BMP5: variants seen among roughly 807,000 people sequenced by gnomAD.
The protein encoded by BMP5 is bone morphogenetic protein 5.
Under a neutral mutation model 46.6 loss-of-function variants are expected in BMP5, and 23 were observed. That is an observed-to-expected ratio of 0.49 (90% CI 0.35 to 0.70). The LOEUF is 0.70. BMP5 is among the 30% of genes least tolerant of loss of function. BMP5 has a pLI of 0.00. For missense variants in BMP5, 545 were observed against 565.6 expected (o/e 0.96, Z 0.37); for synonymous variants, 204 against 191.9 (o/e 1.06, Z -0.52).
chr6:55,825,352 T>C (rs1218546414), intron 1 of BMP5, among the ~76,000 whole-genome samples: 1 of 151,874 alleles, frequency 6.6e-6, no homozygotes, highest in Non-Finnish European at 1.5e-5. Context: ...AAATAATTTA[T>C]TATTATATTT....
chr6:55,860,052 A>T (rs1440559503), intron 1 of BMP5, among the ~76,000 whole-genome samples: 2 of 152,222 alleles, frequency 1.3e-5, no homozygotes, highest in East Asian at 3.8e-4. Flanking sequence ...AAGACAGGCA[A>T]ATCTCACAAG....
chr6:55,843,613 T>C lies in BMP5; in HGVS notation c.491-23766A>G, dbSNP rs551876609. ...TTTAGGAATAGAAAAAAAGCAACTATAGATCTATTATTATTCCAATTTTAT... is the reference window on the plus strand; with the variant it reads ...TTTAGGAATAGAAAAAAAGCAACTACAGATCTATTATTATTCCAATTTTAT... On this transcript the variant is annotated intron_variant, in intron 1 of 6. Coordinates refer to ENST00000370830, the MANE Select transcript of BMP5 (RefSeq NM_021073.4). 3.9e-5 allele frequency among the ~76,000 whole-genome samples: 6 copies of C among 152,230 alleles called. 1 individual carries two copies. The South Asian group carries it at 1.2e-3, about 32-fold the overall frequency.
intron 1 of BMP5, among the ~76,000 whole-genome samples, chr6:55,844,850 C>A (rs1383702355): frequency 1.3e-5 from 2 of 151,732 alleles, no homozygotes; most frequent in East Asian, 3.9e-4. Flanking sequence ...TTAGAACCAA[C>A]CAAAATGTTT....
At chr6:55,804,522 C>T (rs1775940347) in intron 2 of BMP5, among the ~76,000 whole-genome samples, 1 of 152,106 alleles carries the variant, frequency 6.6e-6, no homozygotes, top group Non-Finnish European at 1.5e-5. Context: ...TCTGTTATGG[C>T]AATTCTAGGA....
chr6:55,793,207 G>C (rs898401942), intron 3 of BMP5, among the ~76,000 whole-genome samples: 1 of 152,100 alleles, frequency 6.6e-6, no homozygotes, highest in African/African-American at 2.4e-5. Context: ...TGAGCCTTCT[G>C]AGCAAATATG....
chr6:55,781,627 A>C lies in BMP5; in HGVS notation c.833-7384T>G, dbSNP rs1331563585. On this transcript the variant is annotated intron_variant, in intron 3 of 6. Transcript: ENST00000370830. The stretch of plus-strand genomic sequence containing the variant: ...TCCAAATTTTTTTTTTTTTTTTTTG[A>C]GATGGAGTCTCGTTCTGTCGCCCAG... 6.0e-5 allele frequency among the ~76,000 whole-genome samples: 8 copies of C among 133,932 alleles called. 1 individual carries two copies. The South Asian group carries it at 1.8e-3, about 31-fold the overall frequency. 87.9% of individuals were successfully genotyped at this position (133,932 alleles called of 152,430 possible).
At chr6:55,773,014 C>T in intron 4 of BMP5, 2 of 711,256 alleles carry the variant, frequency 2.8e-6, no homozygotes, top group Non-Finnish European at 3.4e-6. Context: ...CTGTCATTTT[C>T]AAGTAACCTG....
rs1204104040 is a variant in BMP5 at position 55,753,981 on chromosome 6, C to T, written c.*1552G>A. ...ATTAAAAATATATTACTTAATGTAC[C>T]CCTTAATATAGTTACTGTCAAATTT... On this transcript the variant is annotated 3_prime_UTR_variant, in exon 7 of 7. Coordinates refer to ENST00000370830, the MANE Select transcript of BMP5 (RefSeq NM_021073.4). 1.3e-5 allele frequency: 2 copies of T among 151,570 alleles called. No homozygotes were observed. Among genetic ancestry groups the T allele is most frequent in the Non-Finnish European group, 2.9e-5 (2 of 67,838 alleles). The allele number at this position is 151,570 out of a possible 1,614,324, so 9.4% of individuals were successfully genotyped here. A position where few individuals can be genotyped will look rare whatever the true frequency, so the allele number is the denominator to read the frequency against.
At chr6:55,758,076 C>A (rs897228488) in intron 6 of BMP5, among the ~76,000 whole-genome samples, 4 of 151,940 alleles carry the variant, frequency 2.6e-5, no homozygotes, top group African/African-American at 9.6e-5. Context: ...TAAACCTCAC[C>A]CACAAAGACA....
At position 55,754,403 on chromosome 6, in the gene BMP5, T is replaced by G. The variant is rs533777780; in HGVS notation, c.*1130A>C. On this transcript the variant is annotated 3_prime_UTR_variant, in exon 7 of 7. Coordinates refer to ENST00000370830, the MANE Select transcript of BMP5 (RefSeq NM_021073.4). The stretch of plus-strand genomic sequence containing the variant: ...TTGGAAGAAGGTTTACAAAATGCCT[T>G]TACAAAATAAGGTTTTCATTGAGCT... 1 of 151,958 alleles carries G rather than the reference T, an allele frequency of 6.6e-6. No homozygotes were observed. Among genetic ancestry groups the G allele is most frequent in the South Asian group, 2.1e-4 (1 of 4,822 alleles). 9.4% of individuals were successfully genotyped at this position (151,958 alleles called of 1,614,324 possible).
chr6:55,757,723 AAAG>A (rs528848003), intron 6 of BMP5, among the ~76,000 whole-genome samples: 165 of 152,094 alleles, frequency 1.1e-3, no homozygotes, highest in African/African-American at 3.9e-3. Context: ...GAATCAATAA[AAAG>A]AAGAATACTT....
chr6:55,848,152 A>G (rs1468141333), intron 1 of BMP5, among the ~76,000 whole-genome samples: 1 of 151,984 alleles, frequency 6.6e-6, no homozygotes, highest in Non-Finnish European at 1.5e-5. Flanking sequence ...GTATATTTCT[A>G]TAACACTGCC....
chr6:55,834,342 A>G (rs776078402), intron 1 of BMP5, among the ~76,000 whole-genome samples: 4 of 152,154 alleles, frequency 2.6e-5, no homozygotes, highest in Non-Finnish European at 4.4e-5. Context: ...TTCTGAGAAA[A>G]GAATTCAATA....
intron 2 of BMP5, among the ~76,000 whole-genome samples, chr6:55,814,716 G>T (rs534777618): frequency 6.6e-6 from 1 of 152,086 alleles, no homozygotes; most frequent in Non-Finnish European, 1.5e-5. Context: ...GTAATAACAC[G>T]GCACAGAATT....
In BMP5 at chr6:55,757,541, T is replaced by A. The variant is rs1774639498; in HGVS notation, c.1215+1464A>T. On this transcript the variant is annotated intron_variant, in intron 6 of 6. Transcript: ENST00000370830. ...GTGGTAGAAGTTTGAATGCAAAACA[T>A]CCATCCTTGCAAAGCCTACCTACAC... Among the ~76,000 whole-genome samples the A allele has an allele frequency of 2.0e-5, 3 of 151,914 alleles. No homozygotes were observed. In the South Asian group the frequency reaches 6.2e-4, roughly 31 times the overall value.
intron 4 of BMP5, among the ~76,000 whole-genome samples, chr6:55,766,432 C>A (rs950075945): frequency 6.6e-6 from 1 of 152,052 alleles, no homozygotes; most frequent in Admixed American, 6.6e-5. Context: ...ACACATTCCA[C>A]TTACTCTCAA....
chr6:55,813,901 G>A (rs543407923), intron 2 of BMP5, among the ~76,000 whole-genome samples: 123 of 152,022 alleles, frequency 8.1e-4, no homozygotes, highest in African/African-American at 2.8e-3. Flanking sequence ...CAATAATACA[G>A]CGATAAACAC....
At chr6:55,823,629 T>TGTTTTGTTTTG (rs1776461698) in intron 1 of BMP5, among the ~76,000 whole-genome samples, 1 of 152,012 alleles carries the variant, frequency 6.6e-6, no homozygotes, top group South Asian at 2.1e-4. Flanking sequence ...GGAGTGTGTT[T>TGTTTTGTTTTG]TTCTGAATAT....
intron 3 of BMP5, among the ~76,000 whole-genome samples, chr6:55,775,041 A>G (rs1775140828): frequency 6.6e-6 from 1 of 151,934 alleles, no homozygotes; most frequent in Non-Finnish European, 1.5e-5. Context: ...AATCCAAGTG[A>G]GCTTCAAGAC....
Sources: gnomAD v4.1 joint callset for allele counts (sites outside exome capture counted in the v4.1 genomes callset) on GRCh38, gnomAD v4.1.1 for gene constraint, MANE v1.5 for transcripts, NCBI Gene and HGNC (gene_info 2026-07-23, HGNC 2026-07-21) for gene names.